KCNK3: variants seen among roughly 807,000 people sequenced by gnomAD.
KCNK3 encodes potassium channel subfamily K member 3.
Under a neutral mutation model 27.3 loss-of-function variants are expected in KCNK3, and 9 were observed. The observed-to-expected ratio is 0.33, with a 90% CI of 0.20 to 0.57. The LOEUF (loss-of-function observed/expected upper bound fraction) is 0.57, where lower values mean the gene tolerates loss of function less well. Ranked by LOEUF, KCNK3 falls within the 20% of genes least tolerant of loss-of-function variation. The probability of loss-of-function intolerance (pLI) is 0.87; values close to 1 mark genes in which losing one functional copy is unlikely to be tolerated. For missense variants in KCNK3, 391 were observed against 577.7 expected, an observed-to-expected ratio of 0.68 and a Z score of 3.31; for synonymous variants, 278 against 273.8, an observed-to-expected ratio of 1.02 and a Z score of -0.15.
chr2:26,724,151 G>T (rs943876357), intron 1 of KCNK3, among the ~76,000 whole-genome samples: 1 of 152,234 alleles, frequency 6.6e-6, no homozygotes, highest in Non-Finnish European at 1.5e-5. Context: ...ACCCCTCCAA[G>T]TTGGGCGCCC....
At chr2:26,723,467 G>A (rs1663358796) in intron 1 of KCNK3, among the ~76,000 whole-genome samples, 2 of 152,220 alleles carry the variant, frequency 1.3e-5, no homozygotes, top group Non-Finnish European at 2.9e-5. Flanking sequence ...GGTGGATTCT[G>A]TGCCTCCAGC....
rs1392705696 is a variant in KCNK3 at position 26,693,414 on chromosome 2, G to GC, written c.283+261dup. 6.6e-6 allele frequency among the ~76,000 whole-genome samples: 1 copy of GC among 152,176 alleles called. No individual in the cohort carries two copies. The highest frequency in any genetic ancestry group is 1.5e-5 in the Non-Finnish European group (1 of 68,012). On this transcript the variant is annotated intron_variant, in intron 1 of 1. Transcript: ENST00000302909. The surrounding 1 kb of genome is among the most constrained non-coding windows in gnomAD (Gnocchi z 5.5). ...AACTTGGCCCTGCCATGTTGCATAG[G>GC]CCCCCAGGGACTCCGAAGTGTGTGA...
chr2:26,728,478 G>C lies in KCNK3; in HGVS notation c.1095G>C (p.Gly365=). The C allele has an allele frequency of 6.5e-7, 1 of 1,549,718 alleles. No individual in the cohort carries two copies. The highest frequency in any genetic ancestry group is 8.7e-7 in the Non-Finnish European group (1 of 1,145,240). Residue 365 remains glycine, a synonymous_variant, in exon 2 of 2, where the codon GGG becomes GGC. Coordinates refer to ENST00000302909, the MANE Select transcript of KCNK3 (RefSeq NM_002246.3). ...DTPSRRCLCS[G]APRSAISSVS... is the part of the protein sequence containing the mutation. ...CCTCGCGACGCTGCCTGTGCAGCGG[G>C]GCGCCACGCTCCGCCATCAGCTCGG...
chr2:26,731,138 C>T lies in KCNK3; in HGVS notation c.*2570C>T, dbSNP rs1384443644. 6.6e-6 allele frequency: 1 copy of T among 152,348 alleles called. No individual in the cohort carries two copies. The highest frequency in any genetic ancestry group is 2.4e-5 in the African/African-American group (1 of 41,460). The allele number at this position is 152,348 out of a possible 1,614,324, so 9.4% of individuals were successfully genotyped here. A position where few individuals can be genotyped will look rare whatever the true frequency, so the allele number is the denominator to read the frequency against. The stretch of plus-strand genomic sequence containing the variant: ...GCTGCCACAGCCTCCCTCAGCTCTT[C>T]CTGCCTATCTGTCTTCACACTGAGA... On this transcript the variant is annotated 3_prime_UTR_variant, in exon 2 of 2. Transcript: ENST00000302909.
intron 1 of KCNK3, among the ~76,000 whole-genome samples, chr2:26,694,824 T>C (rs1353797409): frequency 6.6e-6 from 1 of 152,108 alleles, no homozygotes; most frequent in African/African-American, 2.4e-5. Flanking sequence ...TTGGACCCTC[T>C]CTCTCCCTCT....
chr2:26,716,011 T>TA (rs1415432967), intron 1 of KCNK3, among the ~76,000 whole-genome samples: 1 of 152,242 alleles, frequency 6.6e-6, no homozygotes, highest in Non-Finnish European at 1.5e-5. Flanking sequence ...GAATGTCTTC[T>TA]AAGTTCTTCA....
intron 1 of KCNK3, among the ~76,000 whole-genome samples, chr2:26,709,835 C>T (rs1471272752): frequency 6.6e-6 from 1 of 152,194 alleles, no homozygotes; most frequent in Non-Finnish European, 1.5e-5. Flanking sequence ...TGCCAGGAAG[C>T]CGAGTCCGGG....
chr2:26,727,189 C>A (rs998968595), intron 1 of KCNK3, among the ~76,000 whole-genome samples: 3 of 152,138 alleles, frequency 2.0e-5, no homozygotes, highest in African/African-American at 7.2e-5. Context: ...AACCACCTCA[C>A]CTTGTAGTCA....
chr2:26,711,560 T>C (rs1663109382), intron 1 of KCNK3, among the ~76,000 whole-genome samples: 1 of 152,060 alleles, frequency 6.6e-6, no homozygotes, highest in African/African-American at 2.4e-5. Context: ...GGAGAGAGTA[T>C]GAGGGAGAAC....
intron 1 of KCNK3, among the ~76,000 whole-genome samples, chr2:26,709,867 C>T (rs1005136371): frequency 9.2e-5 from 14 of 152,324 alleles, no homozygotes; most frequent in South Asian, 2.1e-4. Flanking sequence ...CCAAAGCCCC[C>T]GCTCTTCCTC....
chr2:26,708,657 C>T lies in KCNK3; in HGVS notation c.283+15499C>T, dbSNP rs149686411. On this transcript the variant is annotated intron_variant, in intron 1 of 1. Coordinates refer to ENST00000302909, the MANE Select transcript of KCNK3 (RefSeq NM_002246.3). ...TCGCGCTATTGTACTCCAGCCTGGA[C>T]AACAAGAGCAAAAACTCCATCTCAA... Among the ~76,000 whole-genome samples, 679 of 152,186 alleles carry T rather than the reference C, an allele frequency of 4.5e-3. 5 individuals are homozygous for T. The highest frequency in any genetic ancestry group is 0.016 in the African/African-American group (648 of 41,522).
intron 1 of KCNK3, among the ~76,000 whole-genome samples, chr2:26,701,380 G>A (rs1433766743): frequency 6.6e-6 from 1 of 152,224 alleles, no homozygotes; most frequent in African/African-American, 2.4e-5. Flanking sequence ...AAGGGAAGTG[G>A]AGAAGGTGGA....
At position 26,728,133 on chromosome 2, in the gene KCNK3, C is replaced by T. The variant is rs1363361765; in HGVS notation, c.750C>T (p.Asn250=). 3.1e-6 allele frequency: 5 copies of T among 1,601,392 alleles called. No homozygotes were observed. The highest frequency in any genetic ancestry group is 1.3e-5 in the African/African-American group (1 of 74,730). ...NLVVLRFMTM[N]AEDEKRDAEH... is the part of the protein sequence containing the mutation. ...TGGTGCTGCGCTTCATGACCATGAA[C>T]GCCGAGGACGAGAAGCGCGACGCCG... The change falls in exon 2 of 2, where the codon AAC becomes AAT. Residue 250 remains asparagine, a synonymous_variant. Coordinates refer to ENST00000302909, the MANE Select transcript of KCNK3 (RefSeq NM_002246.3).
At chr2:26,713,892 G>A (rs1337364286) in intron 1 of KCNK3, among the ~76,000 whole-genome samples, 2 of 151,494 alleles carry the variant, frequency 1.3e-5, no homozygotes, top group Admixed American at 6.6e-5. Flanking sequence ...CCTGGCCCAC[G>A]TGGTGAAACC....
At chr2:26,699,988 C>T (rs1376336211) in intron 1 of KCNK3, among the ~76,000 whole-genome samples, 2 of 152,234 alleles carry the variant, frequency 1.3e-5, no homozygotes, top group African/African-American at 2.4e-5. Context: ...TCCATGTGAG[C>T]ACAGCTAGCG....
At chr2:26,708,627 C>T (rs758231494) in intron 1 of KCNK3, among the ~76,000 whole-genome samples, 1 of 152,092 alleles carries the variant, frequency 6.6e-6, no homozygotes, top group Admixed American at 6.6e-5. Context: ...TGCAGCGAGC[C>T]GAGATCGCGC....
chr2:26,699,146 C>T (rs996004438), intron 1 of KCNK3, among the ~76,000 whole-genome samples: 1 of 149,384 alleles, frequency 6.7e-6, no homozygotes, highest in African/African-American at 2.5e-5. Context: ...CCACTGCACC[C>T]CAGCCTGGGC....
rs562179562 is a variant in KCNK3 at position 26,693,592 on chromosome 2, G to A, written c.283+434G>A. On this transcript the variant is annotated intron_variant, in intron 1 of 1. Transcript: ENST00000302909. The surrounding 1 kb of genome is among the most constrained non-coding windows in gnomAD (Gnocchi z 5.5). ...AGCCTAGCAGGTCTACACCTGCTGG[G>A]CTCTGGGGAGGCATGAGGATGTCGG... Among the ~76,000 whole-genome samples, 5 of 152,324 alleles carry A rather than the reference G, an allele frequency of 3.3e-5. No homozygotes were observed.
chr2:26,728,572 C>A lies in KCNK3; in HGVS notation c.*4C>A. 2.1e-6 allele frequency: 3 copies of A among 1,435,014 alleles called. No homozygotes were observed. The highest frequency in any genetic ancestry group is 2.7e-6 in the Non-Finnish European group (3 of 1,093,904). The allele number at this position is 1,435,014 out of a possible 1,614,324, so 88.9% of individuals were successfully genotyped here. ...GAAGCGCAGGAGCTCCGTGTGACTG[C>A]CCCGAGGGGCCTGGAGCACCTGGGG... On this transcript the variant is annotated 3_prime_UTR_variant, in exon 2 of 2. Transcript: ENST00000302909.
Sources: gnomAD v4.1 joint callset for allele counts (sites outside exome capture counted in the v4.1 genomes callset) on GRCh38, gnomAD v4.1.1 for gene constraint, Gnocchi (gnomAD v3.1) non-coding constraint, MANE v1.5 for transcripts, NCBI Gene and HGNC (gene_info 2026-07-23, HGNC 2026-07-21) for gene names.